Variants in RBM28 observed in about 807,000 individuals in gnomAD.
RBM28 encodes the protein RNA binding motif protein 28.
Under a neutral mutation model 98.3 loss-of-function variants are expected in RBM28, and 78 were observed. The ratio of observed to expected loss-of-function variants is 0.79; its 90% confidence interval spans 0.66 to 0.96. The LOEUF is 0.96. Among genes scored for constraint, RBM28 ranks in the 40% least tolerant of loss-of-function variants. RBM28 has a pLI of 0.00. For missense variants in RBM28, 838 were observed against 913.0 expected, an observed-to-expected ratio of 0.92 and a Z score of 1.06; for synonymous variants, 306 against 330.9, an observed-to-expected ratio of 0.92 and a Z score of 0.82.
chr7:128,314,796 C>T lies in RBM28; in HGVS notation c.2013G>A (p.Leu671=). 6.2e-7 allele frequency: 1 copy of T among 1,614,216 alleles called. No homozygotes were observed. The highest frequency in any genetic ancestry group is 8.5e-7 in the Non-Finnish European group (1 of 1,180,042). ...LPDGKKRRKV[L]ALPSHRGPKI... is the part of the protein sequence containing the mutation. ...TGGGGCCTCGGTGTGAGGGGAGCGCCAGGACCTTTCTTCTCTTCTTTCCAT... is the reference window on the plus strand; with the variant it reads ...TGGGGCCTCGGTGTGAGGGGAGCGCTAGGACCTTTCTTCTCTTCTTTCCAT... The change falls in exon 17 of 19, where the codon CTG becomes CTA. Residue 671 remains leucine, a synonymous_variant. Transcript: ENST00000223073.
In RBM28 at chr7:128,309,492, G is replaced by T. The variant is rs1442136662; in HGVS notation, c.*1305C>A. 6.6e-6 allele frequency: 1 copy of T among 152,090 alleles called. No homozygotes were observed. Among genetic ancestry groups the T allele is most frequent in the Admixed American group, 6.6e-5 (1 of 15,262 alleles). The allele number at this position is 152,090 out of a possible 1,614,324, so 9.4% of individuals were successfully genotyped here. On this transcript the variant is annotated 3_prime_UTR_variant, in exon 19 of 19. Coordinates refer to ENST00000223073, the MANE Select transcript of RBM28 (RefSeq NM_018077.3). ...TACTAAAAATACAAAATTTAGCCAA[G>T]AATGGTGGCGTGCACCTGTAGTCCC...
chr7:128,334,087 T>TACACAAGAAACAAATAACCTTGGTTGTC (rs1796544231), intron 8 of RBM28, among the ~76,000 whole-genome samples: 1 of 152,234 alleles, frequency 6.6e-6, no homozygotes, highest in African/African-American at 2.4e-5. Context: ...TATCTATAGA[T>TACACAAGAAACAAATAACCTTGGTTGTC]ACACAAGAAA....
intron 10 of RBM28, among the ~76,000 whole-genome samples, chr7:128,329,696 T>C (rs975689552): frequency 6.6e-6 from 1 of 151,998 alleles, no homozygotes; most frequent in African/African-American, 2.4e-5. Context: ...CCATCCTGGC[T>C]AACACGGTGA....
At chr7:128,330,371 C>CT (rs72352301) in intron 10 of RBM28, among the ~76,000 whole-genome samples, 5,122 of 83,422 alleles carry the variant, frequency 0.061, 439 homozygotes, top group African/African-American at 0.13. Context: ...GTCCCTGGTC[C>CT]TTTTTTTTTT....
Position 128,319,315 on chromosome 7 carries a change from A to G in RBM28, c.1564-1209T>C, listed in dbSNP as rs539585182. Among the ~76,000 whole-genome samples, 3 of 152,338 alleles carry G rather than the reference A, an allele frequency of 2.0e-5. No individual in the cohort carries two copies. The East Asian group carries it at 5.8e-4, about 29-fold the overall frequency. ...TACATACAAATAGGAAAGAATTAAG[A>G]GGAAAATTCAACATAATGCAAAATA... is the stretch of plus-strand genomic sequence containing the variant. On this transcript the variant is annotated intron_variant, in intron 14 of 18. Coordinates refer to ENST00000223073, the MANE Select transcript of RBM28 (RefSeq NM_018077.3).
chr7:128,341,207 T>TGATC (rs1351071499), intron 1 of RBM28: 23 of 1,287,576 alleles, frequency 1.8e-5, no homozygotes, highest in Non-Finnish European at 2.3e-5. Flanking sequence ...CACAGGACAC[T>TGATC]GATCTACATA....
chr7:128,317,616 A>G, intron 16 of RBM28, 43 bp downstream of exon 16: 2 of 1,407,250 alleles, frequency 1.4e-6, no homozygotes, highest in South Asian at 2.3e-5. Flanking sequence ...ACAAAATAGA[A>G]GAGTTTATGT....
chr7:128,341,086 G>C, intron 1 of RBM28: 3 of 1,172,474 alleles, frequency 2.6e-6, no homozygotes, highest in Non-Finnish European at 3.3e-6. Context: ...GCATCAAAAA[G>C]GAAAAGGACA....
rs1174871013 is a variant in RBM28 at position 128,321,291 on chromosome 7, C to G, written c.1538G>C (p.Gly513Ala). 3 of 1,614,110 alleles carry G rather than the reference C, an allele frequency of 1.9e-6. No homozygotes were observed. The African/African-American group carries it at 4.0e-5, about 22-fold the overall frequency. Residue 513 changes from glycine to alanine, a missense_variant, in exon 14 of 19, where the codon GGA (glycine) becomes GCA (alanine). By Grantham distance (60) the Gly-to-Ala change is moderately conservative (BLOSUM62 0). Coordinates refer to ENST00000223073, the MANE Select transcript of RBM28 (RefSeq NM_018077.3). ...CTCCTTGATGCGCACCCCTTTCTCT[C>G]CACTAGTAGCACTCAGCAGCAGCTT... ...LRKLLLSATS[G>A]EKGVRIKECR...
intron 13 of RBM28, among the ~76,000 whole-genome samples, chr7:128,322,870 C>T (rs1287986623): frequency 1.3e-5 from 2 of 152,086 alleles, no homozygotes; most frequent in African/African-American, 4.8e-5. Context: ...CACTCTCACC[C>T]CTGTTCCTCA....
At chr7:128,328,935 C>T (rs948831185) in intron 10 of RBM28, among the ~76,000 whole-genome samples, 1 of 151,784 alleles carries the variant, frequency 6.6e-6, no homozygotes, top group Non-Finnish European at 1.5e-5. Context: ...ACAGTGCTGC[C>T]TTATTCACAT....
At position 128,298,081 on chromosome 7, in the gene RBM28, A is replaced by G. The variant is rs1171791487; in HGVS notation, c.*12716T>C. The G allele has an allele frequency of 1.3e-5, 2 of 150,578 alleles. No individual in the cohort carries two copies. The highest frequency in any genetic ancestry group is 4.9e-5 in the African/African-American group (2 of 41,100). 9.3% of individuals were successfully genotyped at this position (150,578 alleles called of 1,614,324 possible). On this transcript the variant is annotated 3_prime_UTR_variant, in exon 19 of 19. Coordinates refer to ENST00000223073, the MANE Select transcript of RBM28 (RefSeq NM_018077.3). ...GCAGCGACCAGCATGTCACATGTAT[A>G]CATATGTAACTAACCTGCACAGTGT...
intron 5 of RBM28, among the ~76,000 whole-genome samples, chr7:128,337,860 C>T (rs1344289081): frequency 2.6e-5 from 4 of 152,058 alleles, no homozygotes; most frequent in East Asian, 1.9e-4. Context: ...CGCACCTGGC[C>T]GGCAATAACT....
rs1795760250 is a variant in RBM28, at chr7:128,300,045, T to G, written c.*10752A>C. On this transcript the variant is annotated 3_prime_UTR_variant, in exon 19 of 19. Coordinates refer to ENST00000223073, the MANE Select transcript of RBM28 (RefSeq NM_018077.3). ...GAACCGTAAGGTGATAAATTTCTGT[T>G]GTTTAAGCCACCCAGCCTGTGGTAC... 1 of 152,220 alleles carries G rather than the reference T, an allele frequency of 6.6e-6. No individual in the cohort carries two copies. Among genetic ancestry groups the G allele is most frequent in the Admixed American group, 6.5e-5 (1 of 15,290 alleles). 9.4% of individuals were successfully genotyped at this position (152,220 alleles called of 1,614,324 possible). A position where few individuals can be genotyped will look rare whatever the true frequency, so the allele number is the denominator to read the frequency against.
At chr7:128,336,089 C>T (rs1350913742) in intron 6 of RBM28, 47 bp from the exon 7 acceptor site, 2 of 1,528,498 alleles carry the variant, frequency 1.3e-6, no homozygotes, top group East Asian at 4.5e-5. Context: ...ATATCCAAAA[C>T]AATGTTATTT....
At chr7:128,333,175 T>A (rs1201925689) in intron 9 of RBM28, 115 bp downstream of exon 9, 7 of 796,340 alleles carry the variant, frequency 8.8e-6, no homozygotes, top group South Asian at 4.2e-5. Flanking sequence ...TGGGACCAGA[T>A]GTGCTTGATC....
rs541618813 is a variant in RBM28 at position 128,310,883 on chromosome 7, G to A, written c.2194C>T (p.Gln732Ter). 4 of 1,613,948 alleles carry A rather than the reference G, an allele frequency of 2.5e-6. No individual in the cohort carries two copies. In the East Asian group the frequency reaches 8.9e-5, roughly 36 times the overall value. Reference protein sequence around the residue: ...KGNKTETRFNQLVEQYKQKLL... With the variant: ...KGNKTETRFN ...TTCTGCTTATATTGTTCGACCAGCTGGTTGAAGCGGGTTTCCGTCTTATTT... is the reference window on the plus strand; with the variant it reads ...TTCTGCTTATATTGTTCGACCAGCTAGTTGAAGCGGGTTTCCGTCTTATTT... The change falls in exon 19 of 19, where the codon CAG becomes TAG. Residue 732 changes from glutamine (Q) to a stop codon, truncating the protein, a stop_gained. Coordinates refer to ENST00000223073, the MANE Select transcript of RBM28 (RefSeq NM_018077.3). LOFTEE classifies it high-confidence loss of function.
chr7:128,334,674 A>G lies in RBM28; in HGVS notation c.946+869T>C, dbSNP rs1796558356. 2.0e-5 allele frequency among the ~76,000 whole-genome samples: 3 copies of G among 152,254 alleles called. No homozygotes were observed. In the South Asian group the frequency reaches 6.2e-4, roughly 31 times the overall value. On this transcript the variant is annotated intron_variant, in intron 8 of 18. Transcript: ENST00000223073. ...TTTATTCTCAATAAAGGTAGCAATAAGGATTGGCTAAAGTTTTACAACATG... is the reference window on the plus strand; with the variant it reads ...TTTATTCTCAATAAAGGTAGCAATAGGGATTGGCTAAAGTTTTACAACATG...
chr7:128,335,791 C>T, intron 7 of RBM28, 56 bp downstream of exon 7: 2 of 1,613,862 alleles, frequency 1.2e-6, no homozygotes, highest in Non-Finnish European at 1.7e-6. Context: ...AATTTTTCCT[C>T]TCGGAGACAA....
Sources: gnomAD v4.1 joint callset for allele counts (sites outside exome capture counted in the v4.1 genomes callset) on GRCh38, gnomAD v4.1.1 for gene constraint, MANE v1.5 for transcripts, NCBI Gene and HGNC (gene_info 2026-07-23, HGNC 2026-07-21) for gene names.